Variants in GRIA2 observed in about 807,000 individuals in gnomAD.
The protein encoded by GRIA2 is glutamate ionotropic receptor AMPA type subunit 2.
In GRIA2, 14 loss-of-function variants were observed where a neutral mutation model predicts 97.3. The observed-to-expected ratio is 0.14, with a 90% confidence interval of 0.10 to 0.23. GRIA2 has a LOEUF of 0.23. Among genes scored for constraint, GRIA2 ranks in the 10% least tolerant of loss-of-function variants. GRIA2 has a pLI of 1.00. For missense variants in GRIA2, 558 were observed against 1,069.8 expected (o/e 0.52, Z 6.67); for synonymous variants, 412 against 387.8 (o/e 1.06, Z -0.73).
At chr4:157,335,432 T>C in intron 9 of GRIA2, 1 of 506,408 alleles carries the variant, frequency 2.0e-6, no homozygotes, top group Non-Finnish European at 3.6e-6. Context: ...TTTGAGTATC[T>C]TGTTAACTCA....
At chr4:157,333,030 T>G in intron 7 of GRIA2, 44 bp downstream of exon 7, 1 of 1,445,100 alleles carries the variant, frequency 6.9e-7, no homozygotes. Flanking sequence ...AATATGGCCA[T>G]TAATGTTTTC....
At chr4:157,310,343 G>GAAA in intron 3 of GRIA2, among the ~76,000 whole-genome samples, 1 of 151,948 alleles carries the variant, frequency 6.6e-6, no homozygotes, top group East Asian at 1.9e-4. Context: ...CATTTTGCCA[G>GAAA]AAAAAAAGTT....
At position 157,227,163 on chromosome 4, in the gene GRIA2, T is replaced by C. The variant is rs75587436; in HGVS notation, c.229+5356T>C. On this transcript the variant is annotated intron_variant, in intron 2 of 15. Coordinates refer to ENST00000264426, the MANE Select transcript of GRIA2 (RefSeq NM_001083619.3). ...AAAATTTATTCTTATGCTATGCTAT[T>C]TCTGTTTGAAAGTCTTGCAAACTTC... Among the ~76,000 whole-genome samples the C allele has an allele frequency of 6.0e-4, 91 of 152,280 alleles. 1 individual carries two copies. In the East Asian group the frequency reaches 0.016, roughly 27 times the overall value.
intron 2 of GRIA2, among the ~76,000 whole-genome samples, chr4:157,293,473 T>C (rs1733196835): frequency 6.6e-6 from 1 of 152,064 alleles, no homozygotes; most frequent in Non-Finnish European, 1.5e-5. Flanking sequence ...ATCAAAAACA[T>C]AACAAAACCA....
intron 2 of GRIA2, among the ~76,000 whole-genome samples, chr4:157,243,969 G>T (rs534231476): frequency 6.6e-6 from 1 of 151,974 alleles, no homozygotes; most frequent in South Asian, 2.1e-4. Flanking sequence ...CTTGAGAAAT[G>T]CACTTTAAAG....
chr4:157,355,666 A>T (rs1736235264), intron 12 of GRIA2, among the ~76,000 whole-genome samples: 2 of 93,094 alleles, frequency 2.1e-5, no homozygotes, highest in African/African-American at 4.7e-5. Flanking sequence ...ATTTATATTT[A>T]TTTTTATATA....
intron 2 of GRIA2, among the ~76,000 whole-genome samples, chr4:157,296,773 C>A (rs546126372): frequency 6.6e-6 from 1 of 152,226 alleles, no homozygotes; most frequent in South Asian, 2.1e-4. Flanking sequence ...GGAACCCTTC[C>A]TGGAAGAATT....
chr4:157,313,624 C>T (rs1324888233), intron 4 of GRIA2, among the ~76,000 whole-genome samples: 2 of 151,932 alleles, frequency 1.3e-5, no homozygotes, highest in Non-Finnish European at 2.9e-5. Context: ...GGGTAAGTGA[C>T]TAGGGATGAT....
At chr4:157,267,391 C>CAAAAA (rs772189197) in intron 2 of GRIA2, among the ~76,000 whole-genome samples, 1 of 51,824 alleles carries the variant, frequency 1.9e-5, no homozygotes, top group African/African-American at 7.0e-5. Flanking sequence ...GACTCCATCT[C>CAAAAA]AAAAAAAAAA....
chr4:157,318,573 C>T (rs1161725939), intron 5 of GRIA2, among the ~76,000 whole-genome samples: 1 of 152,138 alleles, frequency 6.6e-6, no homozygotes, highest in East Asian at 1.9e-4. Context: ...AGGTAGTATA[C>T]TGAAGCAACA....
At chr4:157,324,629 C>G (rs1165211845) in intron 6 of GRIA2, among the ~76,000 whole-genome samples, 2 of 152,210 alleles carry the variant, frequency 1.3e-5, no homozygotes, top group East Asian at 1.9e-4. Context: ...CATGACAGAT[C>G]CAGGGAACTG....
rs181827485 is a variant in GRIA2 at position 157,300,898 on chromosome 4, C to T, written c.230-2654C>T. On this transcript the variant is annotated intron_variant, in intron 2 of 15. Transcript: ENST00000264426. ...ACTCACTCCAGGGCCTAAAACAAAT[C>T]GAAAATGAAAGGTATGGCTCCTTAT... 5.3e-4 allele frequency among the ~76,000 whole-genome samples: 80 copies of T among 152,156 alleles called. No individual in the cohort carries two copies. In the East Asian group the frequency reaches 0.011, roughly 20 times the overall value.
At chr4:157,336,791 A>G (rs765017996) in intron 11 of GRIA2, 44 bp downstream of exon 11, 11 of 1,567,098 alleles carry the variant, frequency 7.0e-6, no homozygotes, top group Non-Finnish European at 9.5e-6. Flanking sequence ...TCAGGTCTCA[A>G]GTGGACATTC....
rs1362628330 is a variant in GRIA2, at chr4:157,361,457, C to T, written c.2406+333C>T. 9.0e-7 allele frequency: 1 copy of T among 1,107,518 alleles called. No individual in the cohort carries two copies. The highest frequency in any genetic ancestry group is 2.5e-5 in the East Asian group (1 of 39,744). The allele number at this position is 1,107,518 out of a possible 1,614,324, so 68.6% of individuals were successfully genotyped here. A position where few individuals can be genotyped will look rare whatever the true frequency, so the allele number is the denominator to read the frequency against. ...GGCGCATCAATGACTATCGCTCTTACAAAGCTCTTGAATCAGTATTATGTA... is the reference window on the plus strand; with the variant it reads ...GGCGCATCAATGACTATCGCTCTTATAAAGCTCTTGAATCAGTATTATGTA... On this transcript the variant is annotated intron_variant, in intron 14 of 15. Transcript: ENST00000264426. This position sits in a 1 kb window ranked among gnomAD's most constrained non-coding sequence, Gnocchi z 5.2.
intron 12 of GRIA2, among the ~76,000 whole-genome samples, chr4:157,350,818 T>G (rs982937223): frequency 1.7e-4 from 26 of 152,110 alleles, no homozygotes; most frequent in African/African-American, 6.3e-4. Context: ...AAAACCTGGT[T>G]GATTTTAATG....
chr4:157,354,070 T>C (rs1237816355), intron 12 of GRIA2, among the ~76,000 whole-genome samples: 2 of 152,186 alleles, frequency 1.3e-5, no homozygotes, highest in Non-Finnish European at 2.9e-5. Flanking sequence ...CTTCATGGAA[T>C]TGACAGTTTG....
At chr4:157,296,928 A>C (rs978624609) in intron 2 of GRIA2, among the ~76,000 whole-genome samples, 9 of 152,310 alleles carry the variant, frequency 5.9e-5, no homozygotes, top group African/African-American at 1.9e-4. Context: ...AGGCTAATAC[A>C]CAGAAAGGCA....
chr4:157,309,271 G>A (rs531217775), intron 3 of GRIA2, among the ~76,000 whole-genome samples: 3 of 151,418 alleles, frequency 2.0e-5, no homozygotes, highest in East Asian at 3.9e-4. Flanking sequence ...TAATAACAGT[G>A]AATCCTGAAT....
intron 6 of GRIA2, among the ~76,000 whole-genome samples, chr4:157,323,795 A>G (rs1376280574): frequency 1.3e-5 from 2 of 152,196 alleles, no homozygotes; most frequent in African/African-American, 4.8e-5. Context: ...TGCCAAAACT[A>G]GTGCCAGATT....
Sources: allele counts gnomAD v4.1 joint callset (sites outside exome capture counted in the v4.1 genomes callset), GRCh38; gene constraint gnomAD v4.1.1; non-coding constraint Gnocchi (gnomAD v3.1); transcripts MANE v1.5; gene names NCBI Gene and HGNC (gene_info 2026-07-23, HGNC 2026-07-21).